Variants in NUMBL observed in about 807,000 individuals in gnomAD.
NUMBL encodes the protein NUMB like endocytic adaptor protein.
In NUMBL, 20 loss-of-function variants were observed where a neutral mutation model predicts 48.9. That is an observed-to-expected ratio of 0.41 (90% CI 0.29 to 0.59). NUMBL has a LOEUF of 0.59. Among genes scored for constraint, NUMBL ranks in the 20% least tolerant of loss-of-function variants. The pLI, the probability that NUMBL is intolerant of heterozygous loss-of-function variation, is 0.31. For missense variants in NUMBL, 660 were observed against 846.2 expected (o/e 0.78, Z 2.73); for synonymous variants, 340 against 348.7 (o/e 0.98, Z 0.28).
At position 40,686,987 on chromosome 19, in the gene NUMBL, G is replaced by A. The variant is rs1568432733; in HGVS notation, c.33C>T (p.Pro11=). 1 of 1,511,850 alleles carries A rather than the reference G, an allele frequency of 6.6e-7. No homozygotes were observed. The highest frequency in any genetic ancestry group is 1.8e-4 in the Middle Eastern group (1 of 5,616). 93.7% of individuals were successfully genotyped at this position (1,511,850 alleles called of 1,614,324 possible). Residue 11 remains proline (P), a synonymous_variant, in exon 2 of 10, where the codon CCC becomes CCT. Coordinates refer to ENST00000252891, the MANE Select transcript of NUMBL (RefSeq NM_004756.5). MSRSAAASGG[P]RRPERHLPPA... ...GGGGCAGGTGCCGCTCAGGCCTCCG[G>A]GGTCCGCCCTGCCCGAGTAGGGGAG... is the stretch of plus-strand genomic sequence containing the variant.
intron 6 of NUMBL, among the ~76,000 whole-genome samples, chr19:40,680,293 G>A (rs989243622): frequency 4.0e-5 from 6 of 151,714 alleles, no homozygotes; most frequent in Non-Finnish European, 5.9e-5. Context: ...GATCACAGGC[G>A]CCTGCCACCA....
In NUMBL at chr19:40,667,330, T is replaced by C. The variant is rs1205998819; in HGVS notation, c.*138A>G. ...CACAATGTTGGTTCTGTAGTGGTTG[T>C]CGGGGTGGTTGAGGGAGGGGGGTGT... On this transcript the variant is annotated 3_prime_UTR_variant, in exon 10 of 10. Coordinates refer to ENST00000252891, the MANE Select transcript of NUMBL (RefSeq NM_004756.5). The surrounding 1 kb of genome is among the most constrained non-coding windows in gnomAD (Gnocchi z 6.1). 4.8e-6 allele frequency: 6 copies of C among 1,241,228 alleles called. No homozygotes were observed. In the East Asian group the frequency reaches 1.3e-4, roughly 26 times the overall value. The allele number at this position is 1,241,228 out of a possible 1,614,324, so 76.9% of individuals were successfully genotyped here. A position where few individuals can be genotyped will look rare whatever the true frequency, so the allele number is the denominator to read the frequency against.
At position 40,682,866 on chromosome 19, in the gene NUMBL, C is replaced by G; in HGVS notation, c.324+28G>C. On this transcript the variant is annotated intron_variant, in intron 4 of 9. Coordinates refer to ENST00000252891, the MANE Select transcript of NUMBL (RefSeq NM_004756.5). The surrounding 1 kb of genome is among the most constrained non-coding windows in gnomAD (Gnocchi z 4.0). Reference sequence around the variant, plus strand: ...TGCCTCTCCCTGTCTGACCTTGCCCCCTCCCTCATGGCAGCCCCCTCACTC... The same window carrying G: ...TGCCTCTCCCTGTCTGACCTTGCCCGCTCCCTCATGGCAGCCCCCTCACTC... The G allele has an allele frequency of 6.2e-7, 1 of 1,614,080 alleles. No individual in the cohort carries two copies. Among genetic ancestry groups the G allele is most frequent in the Non-Finnish European group, 8.5e-7 (1 of 1,180,002 alleles).
rs1054443817 is a variant in NUMBL, at chr19:40,689,400, A to G, written c.24+1060T>C. Among the ~76,000 whole-genome samples the G allele has an allele frequency of 4.6e-5, 7 of 152,154 alleles. No homozygotes were observed. In the East Asian group the frequency reaches 7.7e-4, roughly 17 times the overall value. On this transcript the variant is annotated intron_variant, in intron 1 of 9. Transcript: ENST00000252891. ...ATACTAGGGTCACAGACACAATCAT[A>G]GACACCACCACAAGCACACACACAC...
Position 40,682,788 on chromosome 19 carries a change from G to C in NUMBL, c.339C>G (p.Ser113=). The C allele has an allele frequency of 6.2e-7, 1 of 1,614,152 alleles. No homozygotes were observed. Among genetic ancestry groups the C allele is most frequent in the South Asian group, 1.1e-5 (1 of 91,084 alleles). The change falls in exon 5 of 10, where the codon TCC becomes TCG. Residue 113 remains serine (S), a synonymous_variant. Transcript: ENST00000252891. The surrounding 1 kb of genome is among the most constrained non-coding windows in gnomAD (Gnocchi z 4.0). ...VKKLKAMGRK[S]VKSVLWVSAD... ...CTGACACCCACAGGACAGACTTCAC[G>C]GACTTTCGGCCCATCTGGAGGGAGG...
chr19:40,673,962 T>C lies in NUMBL; in HGVS notation c.731-313A>G, dbSNP rs78539979. On this transcript the variant is annotated intron_variant, in intron 7 of 9. Coordinates refer to ENST00000252891, the MANE Select transcript of NUMBL (RefSeq NM_004756.5). This position sits in a 1 kb window ranked among gnomAD's most constrained non-coding sequence, Gnocchi z 5.9. The stretch of plus-strand genomic sequence containing the variant: ...ACCCTCTATCTCCCTTTTTGATCAC[T>C]TAACAAACACTGATTTGGTGCTGGA... Among the ~76,000 whole-genome samples, 1,964 of 152,254 alleles carry C rather than the reference T, an allele frequency of 0.013. 48 individuals are homozygous for C. The highest frequency in any genetic ancestry group is 0.044 in the African/African-American group (1,815 of 41,520).
At chr19:40,684,345 C>T (rs2081922147) in intron 3 of NUMBL, 72 bp downstream of exon 3, 6 of 1,463,902 alleles carry the variant, frequency 4.1e-6, no homozygotes, top group South Asian at 2.5e-5. Context: ...CCAGCCAGGC[C>T]GCGCACCCGC....
chr19:40,678,033 G>T (rs765128244), intron 6 of NUMBL, among the ~76,000 whole-genome samples: 2 of 152,194 alleles, frequency 1.3e-5, no homozygotes, highest in African/African-American at 2.4e-5. Flanking sequence ...CTAAACGTGT[G>T]TGTCTCTCTC....
At position 40,667,995 on chromosome 19, in the gene NUMBL, G is replaced by C. The variant is rs2081824282; in HGVS notation, c.1303C>G (p.Gln435Glu). 2 of 897,916 alleles carry C rather than the reference G, an allele frequency of 2.2e-6. No homozygotes were observed. The highest frequency in any genetic ancestry group is 3.0e-6 in the Non-Finnish European group (2 of 675,592). The allele number at this position is 897,916 out of a possible 1,614,324, so 55.6% of individuals were successfully genotyped here. ...KAQQQQQQQQ[Q>E]QQQQQQQQQQ... ...TGCTGCTGCTGCTGCTGCTGCTGTTGCTGTTGCTGCTGCTGCTGCTGCTGG... is the reference window on the plus strand; with the variant it reads ...TGCTGCTGCTGCTGCTGCTGCTGTTCCTGTTGCTGCTGCTGCTGCTGCTGG... The change falls in exon 10 of 10, where the codon CAA becomes GAA. Residue 435 changes from glutamine (Q) to glutamate (E), a missense_variant. Transcript: ENST00000252891. This position sits in a 1 kb window ranked among gnomAD's most constrained non-coding sequence, Gnocchi z 6.1.
At chr19:40,683,126 C>G in intron 3 of NUMBL, 158 bp from the exon 4 acceptor site, 1 of 696,286 alleles carries the variant, frequency 1.4e-6, no homozygotes. Flanking sequence ...GGTGGAGACC[C>G]CATTCCTGGT....
intron 7 of NUMBL, among the ~76,000 whole-genome samples, chr19:40,674,345 A>C (rs984846647): frequency 2.6e-5 from 4 of 152,050 alleles, no homozygotes; most frequent in Admixed American, 2.6e-4. Flanking sequence ...ATCCTCTGAG[A>C]AGCTTTCCAG....
Position 40,682,924 on chromosome 19 carries a change from C to A in NUMBL, c.294G>T (p.Val98=), listed in dbSNP as rs747443786. The A allele has an allele frequency of 1.9e-6, 3 of 1,613,996 alleles. No individual in the cohort carries two copies. Among genetic ancestry groups the A allele is most frequent in the Non-Finnish European group, 2.5e-6 (3 of 1,180,004 alleles). The part of the protein sequence containing the change: ...VEVEESRGMH[V]CEDAVKKLKA... Reference sequence around the variant, plus strand: ...TCAGCTTCTTCACCGCATCTTCACACACGTGCATTCCCCGGGACTCCTCTA... The same window carrying A: ...TCAGCTTCTTCACCGCATCTTCACAAACGTGCATTCCCCGGGACTCCTCTA... Residue 98 remains valine, a synonymous_variant, in exon 4 of 10, where the codon GTG becomes GTT. Transcript: ENST00000252891. This position sits in a 1 kb window ranked among gnomAD's most constrained non-coding sequence, Gnocchi z 4.0.
At chr19:40,671,126 G>T (rs1044953226) in intron 8 of NUMBL, among the ~76,000 whole-genome samples, 1 of 152,098 alleles carries the variant, frequency 6.6e-6, no homozygotes, top group Non-Finnish European at 1.5e-5. Context: ...ACTGCACCTG[G>T]TTAACAATAA....
intron 7 of NUMBL, among the ~76,000 whole-genome samples, chr19:40,675,510 AAATT>A (rs71173670): frequency 0.25 from 36,531 of 147,272 alleles, 4,680 homozygotes; most frequent in South Asian, 0.3. Context: ...ATAAATAAAT[AAATT>A]AATTAATTAA....
chr19:40,684,595 G>T, intron 2 of NUMBL, 39 bp from the exon 3 acceptor site: 1 of 1,571,382 alleles, frequency 6.4e-7, no homozygotes. Flanking sequence ...AAGGGTGGGG[G>T]TCAGAAGGTA....
intron 2 of NUMBL, among the ~76,000 whole-genome samples, chr19:40,686,672 T>G (rs967938620): frequency 2.0e-5 from 3 of 147,968 alleles, no homozygotes; most frequent in Non-Finnish European, 4.4e-5. Flanking sequence ...TGTGTGTGTG[T>G]GTCTCTAACC....
At chr19:40,668,814 G>T (rs2081830872) in intron 9 of NUMBL, among the ~76,000 whole-genome samples, 1 of 152,140 alleles carries the variant, frequency 6.6e-6, no homozygotes, top group African/African-American at 2.4e-5. Context: ...AGAATGTATT[G>T]TTTTAGGAGT....
intron 9 of NUMBL, 123 bp downstream of exon 9, chr19:40,669,775 G>A: frequency 7.8e-7 from 1 of 1,276,538 alleles, no homozygotes; most frequent in Non-Finnish European, 1.1e-6. Flanking sequence ...TGGCTCTGAG[G>A]TGATCCATGG....
At chr19:40,668,615 C>T (rs1427520022) in intron 9 of NUMBL, among the ~76,000 whole-genome samples, 4 of 151,992 alleles carry the variant, frequency 2.6e-5, no homozygotes, top group African/African-American at 4.8e-5. Context: ...CGCACCATTA[C>T]GCCCGGCTGA....
Sources: allele counts gnomAD v4.1 joint callset (sites outside exome capture counted in the v4.1 genomes callset), GRCh38; gene constraint gnomAD v4.1.1; non-coding constraint Gnocchi (gnomAD v3.1); transcripts MANE v1.5; gene names NCBI Gene and HGNC (gene_info 2026-07-23, HGNC 2026-07-21).